Variants in RNASE10 observed in about 807,000 individuals in gnomAD.
RNASE10 encodes ribonuclease A family member 10 (inactive), also known as inactive ribonuclease-like protein 10.
RNASE10 carries 2 observed loss-of-function variants against 1.1 expected under a neutral mutation model. The ratio of observed to expected loss-of-function variants is 1.82; its 90% confidence interval spans 0.74 to 5.73. RNASE10 has a LOEUF of 5.73. RNASE10 is among the 30% of genes most tolerant of loss of function. The pLI is 0.05. For synonymous variants in RNASE10, 97 were observed against 96.2 expected, an observed-to-expected ratio of 1.01 and a Z score of -0.05; for missense variants, 276 against 263.4, an observed-to-expected ratio of 1.05 and a Z score of -0.33.
At chr14:20,504,806 C>T (rs2139361995), upstream of RNASE10, among the ~76,000 whole-genome samples, 1 of 151,316 alleles carries the variant, frequency 6.6e-6, no homozygotes, top group Non-Finnish European at 1.5e-5. Context: ...AATGCACGTC[C>T]ACAAAACTCT....
chr14:20,511,094 T>C (rs777065772), exon 2 of RNASE10: 1 of 1,498,426 alleles, frequency 6.7e-7, no homozygotes, highest in East Asian at 2.3e-5. Flanking sequence ...TGTAATGACA[T>C]GAAGCGCCAG....
At chr14:20,506,761 G>A (rs866932450) in intron 1 of RNASE10, among the ~76,000 whole-genome samples, 274 of 49,864 alleles carry the variant, frequency 5.5e-3, no homozygotes, top group Admixed American at 0.01. Flanking sequence ...CGGGAGGGAG[G>A]TGGGGGGGGT....
chr14:20,504,595 G>A (rs568289666), upstream of RNASE10, among the ~76,000 whole-genome samples: 1 of 147,410 alleles, frequency 6.8e-6, no homozygotes, highest in Admixed American at 6.9e-5. Context: ...GGCTGAGGCA[G>A]GAGAATGGCG....
intron 1 of RNASE10, among the ~76,000 whole-genome samples, chr14:20,508,156 G>A (rs1305125648): frequency 6.6e-6 from 1 of 151,994 alleles, no homozygotes. Flanking sequence ...TGCATATGTT[G>A]TGCTCTTTTC....
chr14:20,511,105 T>G (rs897354225), exon 2 of RNASE10: 1 of 1,496,062 alleles, frequency 6.7e-7, no homozygotes, highest in Non-Finnish European at 8.9e-7. Flanking sequence ...GAAGCGCCAG[T>G]TACCAACTGG....
upstream of RNASE10, among the ~76,000 whole-genome samples, chr14:20,504,656 C>A (rs1882644098): frequency 1.5e-5 from 2 of 137,468 alleles, no homozygotes; most frequent in Non-Finnish European, 3.0e-5. Context: ...CCACCGCACT[C>A]CAGCCTGGGC....
At chr14:20,506,633 C>A (rs1164066385) in intron 1 of RNASE10, among the ~76,000 whole-genome samples, 2 of 99,386 alleles carry the variant, frequency 2.0e-5, no homozygotes, top group Admixed American at 9.2e-5. Context: ...ATCAGCCCCC[C>A]GCCTGGCCAG....
At chr14:20,505,186 C>T (rs1882658071), upstream of RNASE10, among the ~76,000 whole-genome samples, 1 of 146,718 alleles carries the variant, frequency 6.8e-6, no homozygotes, top group African/African-American at 2.5e-5. Context: ...GATTGATTCA[C>T]CCATGAAACA....
chr14:20,505,294 C>A (rs1882668515), upstream of RNASE10, among the ~76,000 whole-genome samples: 1 of 57,178 alleles, frequency 1.7e-5, no homozygotes, highest in Non-Finnish European at 3.7e-5. Flanking sequence ...CTCTCCCTCT[C>A]CCTCTCCCTC....
At chr14:20,507,640 T>A (rs1361786279) in intron 1 of RNASE10, among the ~76,000 whole-genome samples, 9 of 150,712 alleles carry the variant, frequency 6.0e-5, no homozygotes, top group African/African-American at 2.2e-4. Flanking sequence ...ATAAATAAAA[T>A]TTTCAACTTT....
chr14:20,507,725 CTTATTTATTTATTTATTTAT>C (rs71112513), intron 1 of RNASE10, among the ~76,000 whole-genome samples: 7 of 146,132 alleles, frequency 4.8e-5, no homozygotes, highest in Non-Finnish European at 9.0e-5. Flanking sequence ...TTAAACTTCC[CTTATTTATTTATTTATTTAT>C]TTATTTATTT....
At chr14:20,509,372 G>A (rs1036040303) in intron 1 of RNASE10, among the ~76,000 whole-genome samples, 1 of 152,200 alleles carries the variant, frequency 6.6e-6, no homozygotes, top group Non-Finnish European at 1.5e-5. Flanking sequence ...ATGAGTAGGG[G>A]AACCCCCAGC....
At chr14:20,509,359 T>TCCC (rs1324808906) in intron 1 of RNASE10, among the ~76,000 whole-genome samples, 1 of 152,242 alleles carries the variant, frequency 6.6e-6, no homozygotes, top group Non-Finnish European at 1.5e-5. Flanking sequence ...CCTTAGAATC[T>TCCC]TTATGAGTAG....
At chr14:20,509,160 G>T (rs754034472) in intron 1 of RNASE10, among the ~76,000 whole-genome samples, 3 of 152,162 alleles carry the variant, frequency 2.0e-5, no homozygotes, top group Non-Finnish European at 4.4e-5. Flanking sequence ...AGCAATTCTC[G>T]TGTCTCAGCT....
chr14:20,509,140 C>T (rs111765886), intron 1 of RNASE10, among the ~76,000 whole-genome samples: 1 of 152,260 alleles, frequency 6.6e-6, no homozygotes, highest in Non-Finnish European at 1.5e-5. Context: ...TTGGCCTTCT[C>T]ACGGGTTCAA....
At chr14:20,505,747 A>G (rs1410853900) in exon 1 of RNASE10, 2 of 104,158 alleles carry the variant, frequency 1.9e-5, no homozygotes, top group Non-Finnish European at 1.7e-5. Context: ...CCGTCTGGGA[A>G]GTGAGGAGCG....
intron 1 of RNASE10, among the ~76,000 whole-genome samples, chr14:20,508,039 T>C (rs1016444487): frequency 1.3e-5 from 2 of 152,182 alleles, no homozygotes; most frequent in African/African-American, 2.4e-5. Flanking sequence ...CATGAGCCAC[T>C]GCGCCCAGGC....
chr14:20,506,084 C>T (rs1882698440), intron 1 of RNASE10, 65 bp downstream of exon 1: 1 of 129,734 alleles, frequency 7.7e-6, no homozygotes, highest in East Asian at 2.3e-4. Context: ...CTGGCAACCG[C>T]CCCGTCTGAG....
At chr14:20,507,611 T>TA (rs796433477) in intron 1 of RNASE10, among the ~76,000 whole-genome samples, 21,989 of 138,892 alleles carry the variant, frequency 0.16, 1,998 homozygotes, top group Middle Eastern at 0.21. Context: ...AATGATCAAT[T>TA]AAAAAAATAA....
Sources: gnomAD v4.1 joint callset for allele counts (sites outside exome capture counted in the v4.1 genomes callset) on GRCh38, gnomAD v4.1.1 for gene constraint, MANE v1.5 for transcripts, NCBI Gene and HGNC (gene_info 2026-07-23, HGNC 2026-07-21) for gene names.